NFASC: variants seen among roughly 807,000 people sequenced by gnomAD.
The protein encoded by NFASC is neurofascin homolog.
Under a neutral mutation model 147.5 loss-of-function variants are expected in NFASC, and 43 were observed. The observed-to-expected ratio is 0.29, with a 90% CI of 0.23 to 0.38. The LOEUF is 0.38. Among genes scored for constraint, NFASC ranks in the 10% least tolerant of loss-of-function variants. NFASC has a pLI of 1.00. For synonymous variants in NFASC, 622 were observed against 665.5 expected, an observed-to-expected ratio of 0.93 and a Z score of 1.01; for missense variants, 1,320 against 1,689.0, an observed-to-expected ratio of 0.78 and a Z score of 3.83.
intron 1 of NFASC, among the ~76,000 whole-genome samples, chr1:204,841,281 C>T (rs980857595): frequency 1.3e-5 from 2 of 152,224 alleles, no homozygotes; most frequent in Non-Finnish European, 2.9e-5. Context: ...CACCTTGCCC[C>T]ACATAGCACA....
chr1:204,952,636 G>A (rs973167287), intron 5 of NFASC, among the ~76,000 whole-genome samples: 1 of 145,922 alleles, frequency 6.9e-6, no homozygotes, highest in African/African-American at 2.7e-5. Context: ...ATGAAGAGGA[G>A]GGGAAAAGGG....
At chr1:204,973,542 G>A (rs1369615411) in intron 12 of NFASC, 123 bp downstream of exon 12, 8 of 1,223,342 alleles carry the variant, frequency 6.5e-6, no homozygotes, top group African/African-American at 4.5e-5. Context: ...GGTGAGGTAA[G>A]AGGATGTTGG....
chr1:204,909,576 A>G (rs11240309), intron 1 of NFASC, among the ~76,000 whole-genome samples: 32,472 of 152,110 alleles, frequency 0.21, 3,899 homozygotes, highest in East Asian at 0.43. Flanking sequence ...AGTGAAGTTC[A>G]GTTTATCCAT....
intron 1 of NFASC, among the ~76,000 whole-genome samples, chr1:204,917,441 A>T (rs147353256): frequency 0.01 from 1,544 of 152,326 alleles, 20 homozygotes; most frequent in African/African-American, 0.033. Flanking sequence ...GTCAATAATT[A>T]TCAATATAAG....
intron 1 of NFASC, among the ~76,000 whole-genome samples, chr1:204,877,397 G>A (rs1037338842): frequency 3.9e-5 from 6 of 152,176 alleles, no homozygotes; most frequent in Admixed American, 6.5e-5. Context: ...TTGGGAAGCC[G>A]TGCTGGTCAC....
chr1:204,926,406 A>ATTTTTTTT (rs1202294421), intron 2 of NFASC, among the ~76,000 whole-genome samples: 9 of 14,088 alleles, frequency 6.4e-4, no homozygotes, highest in Admixed American at 2.0e-3. Flanking sequence ...ATATATATAT[A>ATTTTTTTT]TTTTTTTTTT....
At chr1:204,830,896 T>C (rs1195503929) in intron 1 of NFASC, among the ~76,000 whole-genome samples, 1 of 152,222 alleles carries the variant, frequency 6.6e-6, no homozygotes, top group Non-Finnish European at 1.5e-5. Flanking sequence ...CTTCAGCTCC[T>C]GTGCAGTAAA....
chr1:204,933,170 C>A (rs1558148439), intron 2 of NFASC, among the ~76,000 whole-genome samples: 2 of 152,094 alleles, frequency 1.3e-5, no homozygotes, highest in Admixed American at 6.5e-5. Context: ...CTGACATGAT[C>A]AGATCAGGTG....
chr1:204,864,744 T>G (rs1037433342), intron 1 of NFASC, among the ~76,000 whole-genome samples: 10 of 152,176 alleles, frequency 6.6e-5, no homozygotes, highest in Admixed American at 5.9e-4. Context: ...TTGTTGTGGT[T>G]ATTGTTGTTG....
intron 1 of NFASC, among the ~76,000 whole-genome samples, chr1:204,889,663 T>G (rs562726480): frequency 5.9e-5 from 9 of 152,308 alleles, no homozygotes; most frequent in Admixed American, 3.3e-4. Flanking sequence ...AAGGAGGTAG[T>G]CTAGACGTCC....
intron 24 of NFASC, among the ~76,000 whole-genome samples, chr1:204,992,719 G>A (rs2095762221): frequency 6.6e-6 from 1 of 152,218 alleles, no homozygotes; most frequent in African/African-American, 2.4e-5. Context: ...TCAGCTGCAA[G>A]CTCAATGGGG....
At chr1:204,879,941 G>A (rs931892863) in intron 1 of NFASC, among the ~76,000 whole-genome samples, 10 of 152,154 alleles carry the variant, frequency 6.6e-5, no homozygotes, top group Admixed American at 5.2e-4. Context: ...GTGGGCTCTC[G>A]GCTGTGGGCA....
At chr1:204,886,319 T>A (rs901151313) in intron 1 of NFASC, among the ~76,000 whole-genome samples, 1 of 152,226 alleles carries the variant, frequency 6.6e-6, no homozygotes, top group Non-Finnish European at 1.5e-5. Flanking sequence ...TTAAAAAAAA[T>A]TAATTTGCTA....
intron 1 of NFASC, among the ~76,000 whole-genome samples, chr1:204,868,628 G>A (rs1474076725): frequency 6.6e-6 from 1 of 152,212 alleles, no homozygotes; most frequent in Non-Finnish European, 1.5e-5. Flanking sequence ...AGGTGGCTTT[G>A]GGAGATGGGC....
At chr1:204,930,990 C>A (rs564159692) in intron 2 of NFASC, among the ~76,000 whole-genome samples, 1 of 152,160 alleles carries the variant, frequency 6.6e-6, no homozygotes, top group South Asian at 2.1e-4. Flanking sequence ...ATGACTTTTT[C>A]TGGACAAATC....
rs1553306565 is a variant in NFASC at position 204,984,369 on chromosome 1, G to GTGTA, written c.2470+2350_2470+2351insGTAT. The GTGTA allele has an allele frequency of 7.9e-4, 141 of 179,572 alleles. 1 individual carries two copies. The highest frequency in any genetic ancestry group is 1.6e-3 in the African/African-American group (55 of 35,098). The allele number at this position is 179,572 out of a possible 1,614,324, so 11.1% of individuals were successfully genotyped here. On this transcript the variant is annotated intron_variant, in intron 21 of 29. Transcript: ENST00000339876. ...TGTATATATATATATGTGTGTGTGTGTATATATATACGCATATATATATAT... is the reference window on the plus strand; with the variant it reads ...TGTATATATATATATGTGTGTGTGTGTGTATATATATATACGCATATATATATAT...
At chr1:204,919,602 C>G (rs556543186) in intron 1 of NFASC, among the ~76,000 whole-genome samples, 1 of 152,072 alleles carries the variant, frequency 6.6e-6, no homozygotes, top group Admixed American at 6.5e-5. Context: ...TTCCCCTCTA[C>G]AAGAGTGGAT....
At chr1:205,004,722 G>A (rs1056273413) in intron 27 of NFASC, among the ~76,000 whole-genome samples, 5 of 152,160 alleles carry the variant, frequency 3.3e-5, no homozygotes, top group Admixed American at 1.3e-4. Flanking sequence ...GCAAGAACTC[G>A]TGAGCATCTC....
intron 16 of NFASC, 150 bp downstream of exon 16, chr1:204,976,945 G>A (rs544024512): frequency 9.9e-6 from 14 of 1,412,316 alleles, no homozygotes; most frequent in Non-Finnish European, 1.2e-5. Flanking sequence ...GTGATGTCAG[G>A]GTTAGGGAGC....
Sources: allele counts gnomAD v4.1 joint callset (sites outside exome capture counted in the v4.1 genomes callset), GRCh38; gene constraint gnomAD v4.1.1; transcripts MANE v1.5; gene names NCBI Gene and HGNC (gene_info 2026-07-23, HGNC 2026-07-21).